The following ZNF827 variants were observed in gnomAD, a reference collection of about 807,000 sequenced individuals.
ZNF827 encodes zinc finger protein 827.
Under a neutral mutation model 102.4 loss-of-function variants are expected in ZNF827, and 13 were observed. The ratio of observed to expected loss-of-function variants is 0.13; its 90% CI spans 0.08 to 0.20. The LOEUF is 0.20. Ranked by LOEUF, ZNF827 falls within the 10% of genes least tolerant of loss-of-function variation. The pLI is 1.00. For missense variants in ZNF827, 1,103 were observed against 1,344.4 expected, an observed-to-expected ratio of 0.82 and a Z score of 2.81; for synonymous variants, 523 against 536.2, an observed-to-expected ratio of 0.98 and a Z score of 0.34.
At chr4:145,769,795 C>A (rs976826276) in intron 11 of ZNF827, among the ~76,000 whole-genome samples, 2 of 152,092 alleles carry the variant, frequency 1.3e-5, no homozygotes, top group Non-Finnish European at 2.9e-5. Flanking sequence ...ATTAGGACAA[C>A]CAGCTGAAGA....
chr4:145,799,759 C>T (rs150600121), intron 8 of ZNF827, among the ~76,000 whole-genome samples: 2,429 of 152,298 alleles, frequency 0.016, 31 homozygotes, highest in Non-Finnish European at 0.025. Context: ...TGATGTGTTA[C>T]ATGCCCTTAA....
chr4:145,898,749 T>A (rs1452586039), intron 2 of ZNF827, among the ~76,000 whole-genome samples: 1 of 152,128 alleles, frequency 6.6e-6, no homozygotes, highest in Non-Finnish European at 1.5e-5. Flanking sequence ...AAATACACCA[T>A]GACCTGGCAA....
chr4:145,810,722 A>G (rs1741926548), intron 8 of ZNF827, among the ~76,000 whole-genome samples: 1 of 152,178 alleles, frequency 6.6e-6, no homozygotes, highest in Admixed American at 6.5e-5. Flanking sequence ...GCATTTTTTC[A>G]AAGAGATTCC....
At chr4:145,886,194 T>C in intron 3 of ZNF827, 36 bp from the exon 4 acceptor site, 1 of 1,545,808 alleles carries the variant, frequency 6.5e-7, no homozygotes, top group Non-Finnish European at 8.7e-7. Context: ...CTAGCCACCG[T>C]GCATTTATGG....
chr4:145,899,459 T>C (rs973531887), intron 2 of ZNF827, among the ~76,000 whole-genome samples: 1 of 152,090 alleles, frequency 6.6e-6, no homozygotes, highest in African/African-American at 2.4e-5. Flanking sequence ...ATAACAAAAT[T>C]AGATACTCTG....
chr4:145,781,052 C>T (rs546050788), intron 8 of ZNF827, among the ~76,000 whole-genome samples: 10 of 151,882 alleles, frequency 6.6e-5, no homozygotes, highest in South Asian at 4.2e-4. Context: ...AAAATTTAGC[C>T]GGGCGTGGTG....
At chr4:145,930,121 A>T (rs1039699995) in intron 1 of ZNF827, among the ~76,000 whole-genome samples, 9 of 152,188 alleles carry the variant, frequency 5.9e-5, no homozygotes, top group Admixed American at 2.6e-4. Context: ...TCTCCCTCTC[A>T]TTACAAAACA....
intron 4 of ZNF827, among the ~76,000 whole-genome samples, chr4:145,880,971 T>C (rs768532691): frequency 2.6e-4 from 39 of 152,220 alleles, no homozygotes; most frequent in Non-Finnish European, 4.0e-4. Context: ...CACTGGGCAA[T>C]GAGGATGACT....
intron 1 of ZNF827, among the ~76,000 whole-genome samples, chr4:145,903,875 A>T (rs1217044662): frequency 6.6e-6 from 1 of 152,228 alleles, no homozygotes; most frequent in Non-Finnish European, 1.5e-5. Flanking sequence ...TTTCATTAGC[A>T]AACACTACTC....
intron 5 of ZNF827, among the ~76,000 whole-genome samples, chr4:145,863,323 T>C (rs1392623311): frequency 6.6e-6 from 1 of 152,214 alleles, no homozygotes; most frequent in Non-Finnish European, 1.5e-5. Flanking sequence ...TGCAGCTACT[T>C]TGGAAAACCA....
At chr4:145,880,613 A>G (rs1317593213) in intron 4 of ZNF827, among the ~76,000 whole-genome samples, 1 of 152,202 alleles carries the variant, frequency 6.6e-6, no homozygotes, top group Non-Finnish European at 1.5e-5. Context: ...CTCTCTTATG[A>G]ATCACCAAGT....
At chr4:145,810,981 G>T (rs562176918) in intron 8 of ZNF827, among the ~76,000 whole-genome samples, 59 of 148,612 alleles carry the variant, frequency 4.0e-4, no homozygotes, top group African/African-American at 1.4e-3. Flanking sequence ...GCAACCAAGA[G>T]AACTCATTTC....
chr4:145,812,818 A>G (rs1742166382), intron 8 of ZNF827, among the ~76,000 whole-genome samples: 1 of 152,108 alleles, frequency 6.6e-6, no homozygotes, highest in African/African-American at 2.4e-5. Flanking sequence ...GTGAGCCACC[A>G]CGCCTGACCT....
At chr4:145,785,739 G>T (rs189267207) in intron 8 of ZNF827, among the ~76,000 whole-genome samples, 1 of 152,334 alleles carries the variant, frequency 6.6e-6, no homozygotes, top group East Asian at 1.9e-4. Flanking sequence ...AGCAGAGACA[G>T]ACCCACGGTG....
chr4:145,817,115 C>T (rs1742660517), intron 8 of ZNF827, among the ~76,000 whole-genome samples: 1 of 152,146 alleles, frequency 6.6e-6, no homozygotes, highest in South Asian at 2.1e-4. Flanking sequence ...AATGAGTAAT[C>T]AGATAAAGAA....
At position 145,934,914 on chromosome 4, in the gene ZNF827, T is replaced by C. The variant is rs555085638; in HGVS notation, c.43+3451A>G. ...CATAAGTTCCTTTTTTGTATTCTAA[T>C]TTGCACTTCTTAAATGTGTTCACAG... On this transcript the variant is annotated intron_variant, in intron 1 of 14. Transcript: ENST00000508784. Among the ~76,000 whole-genome samples the C allele has an allele frequency of 3.3e-5, 5 of 152,360 alleles. No individual in the cohort carries two copies. The East Asian group carries it at 9.6e-4, about 29-fold the overall frequency.
At chr4:145,924,770 T>A (rs1159638852) in intron 1 of ZNF827, among the ~76,000 whole-genome samples, 4 of 152,218 alleles carry the variant, frequency 2.6e-5, no homozygotes, top group Non-Finnish European at 2.9e-5. Context: ...AATCATAATC[T>A]CTTATCTGGG....
chr4:145,810,376 CT>C (rs1212720726), intron 8 of ZNF827, among the ~76,000 whole-genome samples: 29 of 148,242 alleles, frequency 2.0e-4, no homozygotes, highest in African/African-American at 6.8e-4. Context: ...AAGGCCAATT[CT>C]AAAAAAAAAA....
intron 1 of ZNF827, chr4:145,906,991 A>G: frequency 4.5e-6 from 2 of 442,920 alleles, no homozygotes; most frequent in Non-Finnish European, 8.9e-6. Context: ...TATAATTTTA[A>G]TGCATGGCAT....
Sources: gnomAD v4.1 joint callset for allele counts (sites outside exome capture counted in the v4.1 genomes callset) on GRCh38, gnomAD v4.1.1 for gene constraint, MANE v1.5 for transcripts, NCBI Gene and HGNC (gene_info 2026-07-23, HGNC 2026-07-21) for gene names.